The following SDK1 variants were observed in gnomAD, a reference collection of about 807,000 sequenced individuals.
The protein encoded by SDK1 is sidekick cell adhesion molecule 1.
Under a neutral mutation model 245.5 loss-of-function variants are expected in SDK1, and 157 were observed. That is an observed-to-expected ratio of 0.64 (90% CI 0.56 to 0.73). The LOEUF is 0.73. Ranked by LOEUF, SDK1 falls within the 30% of genes least tolerant of loss-of-function variation. The pLI, the probability that SDK1 is intolerant of heterozygous loss-of-function variation, is 0.00. For missense variants in SDK1, 3,583 were observed against 3,002.3 expected (o/e 1.19, Z -4.52); for synonymous variants, 1,647 against 1,278.5 (o/e 1.29, Z -6.15).
chr7:3,753,146 G>T (rs560992093), intron 4 of SDK1, among the ~76,000 whole-genome samples: 5 of 152,072 alleles, frequency 3.3e-5, no homozygotes, highest in Non-Finnish European at 7.3e-5. Flanking sequence ...ATATTTTCAG[G>T]AATGGTCATT....
chr7:4,180,892 T>G (rs534890549), intron 35 of SDK1, among the ~76,000 whole-genome samples: 27 of 150,988 alleles, frequency 1.8e-4, no homozygotes, highest in African/African-American at 6.3e-4. Flanking sequence ...CACCTGCACG[T>G]TGGGGATTAT....
chr7:3,502,089 G>C (rs888843274), intron 1 of SDK1, among the ~76,000 whole-genome samples: 1 of 151,918 alleles, frequency 6.6e-6, no homozygotes, highest in Non-Finnish European at 1.5e-5. Context: ...ATTATTAGTG[G>C]GGTTTAGTCA....
At chr7:3,984,550 G>T (rs1159109421) in intron 13 of SDK1, among the ~76,000 whole-genome samples, 1 of 152,160 alleles carries the variant, frequency 6.6e-6, no homozygotes, top group South Asian at 2.1e-4. Flanking sequence ...ACCCATTTCT[G>T]TTGTCTCCCA....
At chr7:3,327,059 G>A (rs1316678619) in intron 1 of SDK1, among the ~76,000 whole-genome samples, 1 of 152,212 alleles carries the variant, frequency 6.6e-6, no homozygotes, top group East Asian at 1.9e-4. Flanking sequence ...TAAAGATAAT[G>A]TTCAGTTCCA....
At chr7:4,143,493 C>T (rs941866856) in intron 28 of SDK1, among the ~76,000 whole-genome samples, 1 of 152,148 alleles carries the variant, frequency 6.6e-6, no homozygotes, top group Non-Finnish European at 1.5e-5. Context: ...ATCCTTGCAC[C>T]ATGTAGTCCA....
intron 35 of SDK1, among the ~76,000 whole-genome samples, chr7:4,199,138 A>G (rs1262946367): frequency 6.6e-6 from 1 of 152,180 alleles, no homozygotes. Context: ...AGGAGAATAC[A>G]GTCTTTCTCC....
At chr7:3,343,871 A>G (rs1780420523) in intron 1 of SDK1, among the ~76,000 whole-genome samples, 1 of 152,182 alleles carries the variant, frequency 6.6e-6, no homozygotes, top group Non-Finnish European at 1.5e-5. Context: ...AAAAAACAGA[A>G]TGGCAGTGTT....
intron 14 of SDK1, among the ~76,000 whole-genome samples, chr7:4,006,500 G>A (rs1284561502): frequency 6.6e-6 from 1 of 152,198 alleles, no homozygotes; most frequent in African/African-American, 2.4e-5. Context: ...AAGGGATGTT[G>A]CTTATTGATT....
At chr7:3,646,311 T>C (rs941812656) in intron 4 of SDK1, among the ~76,000 whole-genome samples, 8 of 147,864 alleles carry the variant, frequency 5.4e-5, no homozygotes, top group Non-Finnish European at 4.5e-5. Context: ...AGGCTTATAA[T>C]TAAATGATTT....
intron 5 of SDK1, among the ~76,000 whole-genome samples, chr7:3,889,993 C>G (rs1047592224): frequency 1.3e-5 from 2 of 152,114 alleles, no homozygotes; most frequent in Non-Finnish European, 2.9e-5. Context: ...CATTTGCAAC[C>G]AAGAACCTCT....
chr7:4,091,344 T>TTC (rs1562795987), intron 22 of SDK1, among the ~76,000 whole-genome samples: 1 of 140,908 alleles, frequency 7.1e-6, no homozygotes, highest in African/African-American at 2.8e-5. Context: ...CTTTTTTTTT[T>TTC]TTTTTTTTTT....
At chr7:3,837,189 A>C (rs965870375) in intron 5 of SDK1, among the ~76,000 whole-genome samples, 4 of 152,092 alleles carry the variant, frequency 2.6e-5, no homozygotes, top group African/African-American at 9.7e-5. Context: ...TCTTATTCCT[A>C]TTGCATTTTC....
chr7:3,572,157 G>T (rs1473006522), intron 1 of SDK1, among the ~76,000 whole-genome samples: 2 of 152,068 alleles, frequency 1.3e-5, no homozygotes, highest in Non-Finnish European at 2.9e-5. Flanking sequence ...TATGTTCAAA[G>T]TACTGTGGGT....
intron 40 of SDK1, 65 bp from the exon 41 acceptor site, chr7:4,233,190 A>G (rs976786966): frequency 2.0e-5 from 30 of 1,500,004 alleles, no homozygotes; most frequent in Admixed American, 1.7e-5. Context: ...AGGCAGGTGC[A>G]TGGGGCTCGC....
intron 1 of SDK1, among the ~76,000 whole-genome samples, chr7:3,336,570 G>T (rs1406413480): frequency 6.6e-6 from 1 of 152,134 alleles, no homozygotes; most frequent in South Asian, 2.1e-4. Context: ...GGCAAATGAG[G>T]TATGGAGGAG....
chr7:3,565,653 A>G (rs989027614), intron 1 of SDK1, among the ~76,000 whole-genome samples: 1 of 152,178 alleles, frequency 6.6e-6, no homozygotes, highest in African/African-American at 2.4e-5. Flanking sequence ...ACCACAATTC[A>G]CAGATGCTCA....
intron 4 of SDK1, among the ~76,000 whole-genome samples, chr7:3,795,935 C>A (rs1239276143): frequency 6.6e-6 from 1 of 152,140 alleles, no homozygotes; most frequent in Admixed American, 6.5e-5. Flanking sequence ...GGTAATGATT[C>A]ATGATCAGAT....
chr7:3,322,591 C>A (rs1193861013), intron 1 of SDK1, among the ~76,000 whole-genome samples: 6 of 152,180 alleles, frequency 3.9e-5, no homozygotes, highest in Non-Finnish European at 7.3e-5. Flanking sequence ...TTTCCACCAA[C>A]AATGTAGAAG....
intron 2 of SDK1, among the ~76,000 whole-genome samples, chr7:3,625,848 A>C (rs1782099751): frequency 6.6e-6 from 1 of 152,144 alleles, no homozygotes; most frequent in African/African-American, 2.4e-5. Flanking sequence ...CTGCGCCACC[A>C]TAAAGCTACT....
Sources: allele counts gnomAD v4.1 joint callset (sites outside exome capture counted in the v4.1 genomes callset), GRCh38; gene constraint gnomAD v4.1.1; transcripts MANE v1.5; gene names NCBI Gene and HGNC (gene_info 2026-07-23, HGNC 2026-07-21).